FHIT: variants seen among roughly 807,000 people sequenced by gnomAD.
FHIT encodes the protein bis(5'-adenosyl)-triphosphatase.
In FHIT, 19 loss-of-function variants were observed where a neutral mutation model predicts 17.9. The ratio of observed to expected loss-of-function variants is 1.06; its 90% CI spans 0.74 to 1.56. The LOEUF (loss-of-function observed/expected upper bound fraction) is 1.56, where lower values mean the gene tolerates loss of function less well. Ranked by LOEUF, FHIT falls within the 40% of genes most tolerant of loss-of-function variation. The pLI, the probability that FHIT is intolerant of heterozygous loss-of-function variation, is 0.00. For synonymous variants in FHIT, 81 were observed against 69.7 expected, an observed-to-expected ratio of 1.16 and a Z score of -0.81; for missense variants, 248 against 189.2, an observed-to-expected ratio of 1.31 and a Z score of -1.82.
intron 7 of FHIT, among the ~76,000 whole-genome samples, chr3:59,986,753 T>TATAAATATATTTATATAA (rs1708972309): frequency 2.7e-3 from 2 of 734 alleles, no homozygotes. Flanking sequence ...TATTTATATA[T>TATAAATATATTTATATAA]ATATAAATAT....
At chr3:61,146,537 G>A (rs1263306064) in intron 2 of FHIT, among the ~76,000 whole-genome samples, 3 of 151,990 alleles carry the variant, frequency 2.0e-5, no homozygotes, top group African/African-American at 4.8e-5. Flanking sequence ...TTATGCATAC[G>A]TAATTCTGTT....
chr3:59,976,205 G>C (rs78361049), intron 7 of FHIT, among the ~76,000 whole-genome samples: 1 of 152,056 alleles, frequency 6.6e-6, no homozygotes, highest in Non-Finnish European at 1.5e-5. Flanking sequence ...CACATAAACA[G>C]AAGTAGCATT....
At chr3:60,841,475 A>C (rs1323813239) in intron 3 of FHIT, among the ~76,000 whole-genome samples, 3 of 152,226 alleles carry the variant, frequency 2.0e-5, no homozygotes, top group Non-Finnish European at 4.4e-5. Context: ...AAATTCCCAG[A>C]AAGAGATCTT....
chr3:60,124,045 GAGAGAGAGAGAC>G lies in FHIT; in HGVS notation c.104-109905_104-109894del, dbSNP rs1347673634. 3.8e-4 allele frequency among the ~76,000 whole-genome samples: 45 copies of G among 117,812 alleles called. 1 individual carries two copies. The highest frequency in any genetic ancestry group is 5.5e-4 in the Non-Finnish European group (30 of 54,932). The allele number at this position is 117,812 out of a possible 152,430, so 77.3% of individuals were successfully genotyped here. A position where few individuals can be genotyped will look rare whatever the true frequency, so the allele number is the denominator to read the frequency against. On this transcript the variant is annotated intron_variant, in intron 5 of 9. Coordinates refer to ENST00000492590, the MANE Select transcript of FHIT (RefSeq NM_002012.4). ...AGAGAGAGAGAGAGAGAGAGAGAGA[GAGAGAGAGAGAC>G]AGAGAGAGAGAGAGATACAAAGTCT...
intron 2 of FHIT, among the ~76,000 whole-genome samples, chr3:61,174,163 C>T (rs1560041092): frequency 6.6e-6 from 1 of 152,202 alleles, no homozygotes; most frequent in Non-Finnish European, 1.5e-5. Flanking sequence ...TACATGGACT[C>T]AGTTTTTACA....
At chr3:60,164,236 G>A (rs190596099) in intron 5 of FHIT, among the ~76,000 whole-genome samples, 3 of 152,152 alleles carry the variant, frequency 2.0e-5, no homozygotes, top group African/African-American at 7.2e-5. Context: ...CACATCAGCA[G>A]AACTTTCTGC....
At chr3:59,840,510 A>T (rs1701495410) in intron 8 of FHIT, among the ~76,000 whole-genome samples, 1 of 152,244 alleles carries the variant, frequency 6.6e-6, no homozygotes, top group Middle Eastern at 3.4e-3. Context: ...GGCACAGCTG[A>T]CACCAGTCCC....
intron 4 of FHIT, among the ~76,000 whole-genome samples, chr3:60,564,245 CTT>C (rs1336821271): frequency 6.6e-6 from 1 of 152,170 alleles, no homozygotes; most frequent in Non-Finnish European, 1.5e-5. Context: ...TAAGCCCCCT[CTT>C]GAGACCTACT....
chr3:61,014,490 G>A (rs1030784249), intron 3 of FHIT, among the ~76,000 whole-genome samples: 10 of 151,494 alleles, frequency 6.6e-5, no homozygotes, highest in Non-Finnish European at 1.3e-4. Flanking sequence ...ATATATATAC[G>A]TACATCCGGC....
intron 1 of FHIT, among the ~76,000 whole-genome samples, chr3:61,207,068 T>G (rs1346270823): frequency 6.6e-6 from 1 of 152,198 alleles, no homozygotes; most frequent in Non-Finnish European, 1.5e-5. Flanking sequence ...CTGCATCTAT[T>G]GAGATAATCA....
intron 4 of FHIT, among the ~76,000 whole-genome samples, chr3:60,779,239 C>T (rs1239506988): frequency 1.3e-5 from 2 of 152,092 alleles, no homozygotes; most frequent in Non-Finnish European, 2.9e-5. Context: ...AATTATGTTC[C>T]AAAATTTGCC....
Position 59,955,416 on chromosome 3 carries a change from C to T in FHIT, c.280-33002G>A, listed in dbSNP as rs1719823. 2.0e-5 allele frequency among the ~76,000 whole-genome samples: 3 copies of T among 152,222 alleles called. No homozygotes were observed. The South Asian group carries it at 6.2e-4, about 31-fold the overall frequency. On this transcript the variant is annotated intron_variant, in intron 7 of 9. Transcript: ENST00000492590. ...GTTGGCAAACTGCAAGAGCTCAATTCTATATCCTCTTATCTTCCCCAGCGA... is the reference window on the plus strand; with the variant it reads ...GTTGGCAAACTGCAAGAGCTCAATTTTATATCCTCTTATCTTCCCCAGCGA...
chr3:60,569,734 T>TAAATATAC (rs1400051089), intron 4 of FHIT, among the ~76,000 whole-genome samples: 50 of 44,080 alleles, frequency 1.1e-3, no homozygotes, highest in South Asian at 5.1e-3. Flanking sequence ...ACTATATATA[T>TAAATATAC]ATATATATAT....
intron 5 of FHIT, among the ~76,000 whole-genome samples, chr3:60,263,197 C>G (rs924540518): frequency 2.6e-5 from 4 of 151,906 alleles, no homozygotes; most frequent in Non-Finnish European, 5.9e-5. Flanking sequence ...CTGACAATAT[C>G]AAGTGTTGAC....
chr3:60,278,890 G>A (rs1230709042), intron 5 of FHIT, among the ~76,000 whole-genome samples: 2 of 152,166 alleles, frequency 1.3e-5, no homozygotes, highest in East Asian at 3.9e-4. Context: ...GGAAAACAAT[G>A]CTTTGCAGGA....
At chr3:60,035,430 G>T (rs1219563564) in intron 5 of FHIT, among the ~76,000 whole-genome samples, 1 of 152,160 alleles carries the variant, frequency 6.6e-6, no homozygotes, top group Non-Finnish European at 1.5e-5. Flanking sequence ...TAGAGAAGAG[G>T]TTTCACCTTG....
intron 5 of FHIT, among the ~76,000 whole-genome samples, chr3:60,171,201 T>A (rs185132987): frequency 6.6e-6 from 1 of 152,232 alleles, no homozygotes; most frequent in Admixed American, 6.5e-5. Flanking sequence ...TTTTTTTAAA[T>A]ACCTTCTTTC....
At chr3:60,529,147 T>C (rs950993900) in intron 5 of FHIT, among the ~76,000 whole-genome samples, 1 of 152,242 alleles carries the variant, frequency 6.6e-6, no homozygotes, top group African/African-American at 2.4e-5. Context: ...GCCCAGAAGC[T>C]ATTTGCAAAT....
chr3:60,863,281 A>G (rs781875562), intron 3 of FHIT, among the ~76,000 whole-genome samples: 1 of 152,182 alleles, frequency 6.6e-6, no homozygotes, highest in Non-Finnish European at 1.5e-5. Flanking sequence ...AAATTCTGTC[A>G]ATAACCTGAA....
Sources: allele counts gnomAD v4.1 joint callset (sites outside exome capture counted in the v4.1 genomes callset), GRCh38; gene constraint gnomAD v4.1.1; transcripts MANE v1.5; gene names NCBI Gene and HGNC (gene_info 2026-07-23, HGNC 2026-07-21).